Variants in CNTN4 observed in about 807,000 individuals in gnomAD.
The protein encoded by CNTN4 is contactin-4.
In CNTN4, 77 loss-of-function variants were observed where a neutral mutation model predicts 122.5. The observed-to-expected ratio is 0.63, with a 90% CI of 0.52 to 0.76. The LOEUF (loss-of-function observed/expected upper bound fraction) is 0.76, where lower values mean the gene tolerates loss of function less well. Ranked by LOEUF, CNTN4 falls within the 30% of genes least tolerant of loss-of-function variation. The pLI is 0.00. For missense variants in CNTN4, 1,256 were observed against 1,259.1 expected (o/e 1.00, Z 0.04); for synonymous variants, 512 against 447.0 (o/e 1.15, Z -1.83).
chr3:2,886,962 A>T, intron 9 of CNTN4, 78 bp from the exon 10 acceptor site: 2 of 1,280,826 alleles, frequency 1.6e-6, no homozygotes, highest in Non-Finnish European at 2.2e-6. Context: ...GTGTAGAACC[A>T]AGAAGGAAGC....
At chr3:2,935,681 G>T (rs2094561632) in intron 13 of CNTN4, among the ~76,000 whole-genome samples, 2 of 152,190 alleles carry the variant, frequency 1.3e-5, no homozygotes, top group Non-Finnish European at 2.9e-5. Context: ...ATTTACCAGA[G>T]ACTTTTTTTT....
chr3:2,838,950 AG>A (rs1396197858), intron 7 of CNTN4, among the ~76,000 whole-genome samples: 2 of 152,218 alleles, frequency 1.3e-5, no homozygotes, highest in African/African-American at 4.8e-5. Flanking sequence ...TGTAACTCAT[AG>A]GGGGTTCATG....
chr3:2,915,480 G>T (rs6779761), intron 12 of CNTN4, among the ~76,000 whole-genome samples: 1 of 152,002 alleles, frequency 6.6e-6, no homozygotes, highest in South Asian at 2.1e-4. Flanking sequence ...AATTTGGATG[G>T]CTTTTATTTA....
At position 2,312,445 on chromosome 3, in the gene CNTN4, C is replaced by T. The variant is rs563622165; in HGVS notation, c.-144-26733C>T. ...TTTTGCTGTTAATATTGGACTATCA[C>T]TAAGCAAATCTTGCTGGTGTAAACT... On this transcript the variant is annotated intron_variant, in intron 2 of 24. Transcript: ENST00000418658. Among the ~76,000 whole-genome samples, 3 of 152,170 alleles carry T rather than the reference C, an allele frequency of 2.0e-5. No individual in the cohort carries two copies. The South Asian group carries it at 6.2e-4, about 32-fold the overall frequency.
chr3:2,819,823 T>C (rs2092823053), intron 7 of CNTN4, among the ~76,000 whole-genome samples: 1 of 151,764 alleles, frequency 6.6e-6, no homozygotes, highest in Admixed American at 6.6e-5. Flanking sequence ...CCTGAGTCGA[T>C]CAAAATCATA....
intron 6 of CNTN4, among the ~76,000 whole-genome samples, chr3:2,818,782 C>T (rs1375156940): frequency 6.6e-6 from 1 of 152,146 alleles, no homozygotes; most frequent in Non-Finnish European, 1.5e-5. Context: ...GGTAATAAAA[C>T]ATTCTTCTAA....
intron 4 of CNTN4, among the ~76,000 whole-genome samples, chr3:2,640,395 A>C (rs1295278339): frequency 1.3e-5 from 2 of 152,212 alleles, no homozygotes; most frequent in Non-Finnish European, 2.9e-5. Context: ...CTTTCTACCA[A>C]AAGCAGACAC....
intron 2 of CNTN4, among the ~76,000 whole-genome samples, chr3:2,284,346 A>C (rs983010064): frequency 6.6e-6 from 1 of 152,138 alleles, no homozygotes; most frequent in African/African-American, 2.4e-5. Flanking sequence ...TTTTAGGCCA[A>C]TCTATAGTAT....
intron 2 of CNTN4, among the ~76,000 whole-genome samples, chr3:2,277,648 G>A (rs2041566347): frequency 6.6e-6 from 1 of 152,008 alleles, no homozygotes; most frequent in East Asian, 1.9e-4. Context: ...TTTCCCTCCT[G>A]TCTCCATTGT....
intron 4 of CNTN4, among the ~76,000 whole-genome samples, chr3:2,705,175 T>G (rs1032806261): frequency 6.6e-6 from 1 of 151,190 alleles, no homozygotes; most frequent in African/African-American, 2.4e-5. Flanking sequence ...GAGACCATCC[T>G]GGCTAACATG....
At chr3:2,985,213 C>T (rs1223313355) in intron 13 of CNTN4, 6 of 152,296 alleles carry the variant, frequency 3.9e-5, no homozygotes, top group Non-Finnish European at 7.4e-5. Flanking sequence ...ACTGAAAATT[C>T]ATCATACATT....
At chr3:3,031,465 G>A (rs187803628) in intron 16 of CNTN4, among the ~76,000 whole-genome samples, 13 of 152,174 alleles carry the variant, frequency 8.5e-5, no homozygotes, top group Admixed American at 8.5e-4. Context: ...GGTTTTGGGA[G>A]AGGACACTTC....
chr3:2,131,948 TG>T (rs1489921551), intron 2 of CNTN4, among the ~76,000 whole-genome samples: 1 of 152,202 alleles, frequency 6.6e-6, no homozygotes, highest in African/African-American at 2.4e-5. Context: ...AAAGAGCTTC[TG>T]GAAGTTCATA....
intron 2 of CNTN4, among the ~76,000 whole-genome samples, chr3:2,269,191 G>C (rs11129074): frequency 0.52 from 79,410 of 151,816 alleles, 21,416 homozygotes; most frequent in South Asian, 0.64. Context: ...TACCTTAAAA[G>C]AACTAGTGCT....
Position 2,731,567 on chromosome 3 carries a change from C to G in CNTN4, c.56-4648C>G, listed in dbSNP as rs189359910. The stretch of plus-strand genomic sequence containing the variant: ...GAGCTCTTGGCAATCTTACTGCTCA[C>G]TCCCTCATTCCTCATTCCTCCTCTT... On this transcript the variant is annotated intron_variant, in intron 4 of 24. Coordinates refer to ENST00000418658, the MANE Select transcript of CNTN4 (RefSeq NM_175607.3). 1.4e-3 allele frequency among the ~76,000 whole-genome samples: 220 copies of G among 152,314 alleles called. 1 individual carries two copies. The highest frequency in any genetic ancestry group is 5.1e-3 in the African/African-American group (210 of 41,572).
At chr3:2,624,138 A>C (rs2082092764) in intron 4 of CNTN4, among the ~76,000 whole-genome samples, 1 of 152,224 alleles carries the variant, frequency 6.6e-6, no homozygotes, top group Admixed American at 6.5e-5. Context: ...TACAAAATTT[A>C]AAAATACTTT....
intron 9 of CNTN4, among the ~76,000 whole-genome samples, chr3:2,886,400 TA>T (rs199658650): frequency 3.3e-4 from 29 of 87,258 alleles, no homozygotes; most frequent in Admixed American, 1.4e-3. Flanking sequence ...CGTCTCAAAA[TA>T]AAAAAAAATA....
chr3:2,253,106 G>C (rs916145705), intron 2 of CNTN4, among the ~76,000 whole-genome samples: 1 of 151,528 alleles, frequency 6.6e-6, no homozygotes, highest in Non-Finnish European at 1.5e-5. Flanking sequence ...TCTAGAATTA[G>C]TAGTTTCATT....
chr3:2,682,606 AAGTGTATAAAGTATATAT>A (rs1469081625), intron 4 of CNTN4, among the ~76,000 whole-genome samples: 1 of 152,170 alleles, frequency 6.6e-6, no homozygotes, highest in Non-Finnish European at 1.5e-5. Flanking sequence ...TACAGAAGCA[AAGTGTATAAAGTATATAT>A]AGAAAATGGA....
Sources: allele counts gnomAD v4.1 joint callset (sites outside exome capture counted in the v4.1 genomes callset), GRCh38; gene constraint gnomAD v4.1.1; transcripts MANE v1.5; gene names NCBI Gene and HGNC (gene_info 2026-07-23, HGNC 2026-07-21).